The following CEP55 variants were observed in gnomAD, a reference collection of about 807,000 sequenced individuals.
CEP55 encodes centrosomal protein 55.
Under a neutral mutation model 63.2 loss-of-function variants are expected in CEP55, and 57 were observed. The ratio of observed to expected loss-of-function variants is 0.90; its 90% CI spans 0.73 to 1.13. The LOEUF (loss-of-function observed/expected upper bound fraction) is 1.13, where lower values mean the gene tolerates loss of function less well. Ranked by LOEUF, CEP55 falls within the 50% of genes most tolerant of loss-of-function variation. CEP55 has a pLI of 0.00. For synonymous variants in CEP55, 178 were observed against 191.6 expected (o/e 0.93, Z 0.59); for missense variants, 456 against 518.9 (o/e 0.88, Z 1.18).
At chr10:93,508,795 G>C (rs10882253) in intron 4 of CEP55, among the ~76,000 whole-genome samples, 34,172 of 152,008 alleles carry the variant, frequency 0.22, 4,309 homozygotes, top group East Asian at 0.57. Flanking sequence ...AATGGGGGCT[G>C]CCTGACCACT....
In CEP55 at chr10:93,528,192, C is replaced by T. The variant is rs1187854963; in HGVS notation, c.*39C>T. On this transcript the variant is annotated 3_prime_UTR_variant, in exon 9 of 9. Coordinates refer to ENST00000371485, the MANE Select transcript of CEP55 (RefSeq NM_018131.5). ...TGTTTTGATATTAAAAGATTCAATA[C>T]TGTATTTTCTGTTAGCTTGTGGGCA... is the stretch of plus-strand genomic sequence containing the variant. 6.6e-7 allele frequency: 1 copy of T among 1,524,708 alleles called. No individual in the cohort carries two copies. Among genetic ancestry groups the T allele is most frequent in the Admixed American group, 1.7e-5 (1 of 57,892 alleles). The allele number at this position is 1,524,708 out of a possible 1,614,324, so 94.4% of individuals were successfully genotyped here.
intron 8 of CEP55, among the ~76,000 whole-genome samples, chr10:93,521,824 C>G (rs933395325): frequency 5.9e-5 from 9 of 152,308 alleles, no homozygotes; most frequent in South Asian, 2.1e-4. Flanking sequence ...TGCTGATACC[C>G]AGGCAAACAG....
chr10:93,510,834 A>G (rs532914343), intron 4 of CEP55, among the ~76,000 whole-genome samples: 62 of 152,110 alleles, frequency 4.1e-4, no homozygotes, highest in Non-Finnish European at 7.6e-4. Flanking sequence ...TTCCTCCAGT[A>G]TAGGCTAACA....
chr10:93,522,972 C>T (rs1173122494), intron 8 of CEP55, among the ~76,000 whole-genome samples: 1 of 152,152 alleles, frequency 6.6e-6, no homozygotes, highest in Non-Finnish European at 1.5e-5. Flanking sequence ...CAGTACCAGC[C>T]ACTGCAAAAA....
rs146992036 is a variant in CEP55, at chr10:93,517,216, G to A, written c.961G>A (p.Glu321Lys). Residue 321 changes from glutamate to lysine, a missense_variant, in exon 6 of 9, where the codon GAG becomes AAG. Glu to Lys is a moderately conservative substitution (Grantham distance 56, BLOSUM62 1). Coordinates refer to ENST00000371485, the MANE Select transcript of CEP55 (RefSeq NM_018131.5). ...TATTGCTAGGGGAAAACTTGAAGAAGAGAAGAAGAGATCCGAAGAGCTCTT... is the reference window on the plus strand; with the variant it reads ...TATTGCTAGGGGAAAACTTGAAGAAAAGAAGAAGAGATCCGAAGAGCTCTT... ...NDIARGKLEE[E>K]KKRSEELLSQ... is the part of the protein sequence containing the mutation. The A allele has an allele frequency of 1.8e-3, 2,900 of 1,606,910 alleles. 4 individuals carry two copies. The highest frequency in any genetic ancestry group is 2.2e-3 in the Non-Finnish European group (2,597 of 1,176,776).
At chr10:93,516,194 AG>A (rs2057801720) in intron 5 of CEP55, among the ~76,000 whole-genome samples, 1 of 152,210 alleles carries the variant, frequency 6.6e-6, no homozygotes, top group Non-Finnish European at 1.5e-5. Flanking sequence ...TCTCCTTAAA[AG>A]ACTGACAGTT....
intron 4 of CEP55, among the ~76,000 whole-genome samples, chr10:93,507,367 C>T (rs1192187712): frequency 3.3e-5 from 5 of 151,688 alleles, no homozygotes; most frequent in Admixed American, 6.6e-5. Flanking sequence ...ATTACAGGCA[C>T]GAGCCACCAC....
intron 4 of CEP55, among the ~76,000 whole-genome samples, chr10:93,514,452 T>C (rs2057782327): frequency 6.6e-6 from 1 of 152,106 alleles, no homozygotes; most frequent in Non-Finnish European, 1.5e-5. Context: ...AAGAAGACAC[T>C]GAGATGATGT....
At chr10:93,524,947 A>G (rs1241416378) in intron 8 of CEP55, among the ~76,000 whole-genome samples, 18 of 152,052 alleles carry the variant, frequency 1.2e-4, no homozygotes, top group Admixed American at 1.2e-3. Context: ...TCTCAAAATA[A>G]TAAGAGCTAT....
At chr10:93,505,821 A>G (rs540378924) in intron 3 of CEP55, among the ~76,000 whole-genome samples, 86 of 151,502 alleles carry the variant, frequency 5.7e-4, no homozygotes, top group Middle Eastern at 3.4e-3. Context: ...CATATAATCT[A>G]TATGAACTAA....
chr10:93,525,361 T>C (rs907246084), intron 8 of CEP55, among the ~76,000 whole-genome samples: 1 of 152,162 alleles, frequency 6.6e-6, no homozygotes, highest in Non-Finnish European at 1.5e-5. Flanking sequence ...ATAAAATACC[T>C]AGAAATCCAA....
intron 4 of CEP55, among the ~76,000 whole-genome samples, chr10:93,508,936 A>G (rs1001307997): frequency 4.6e-4 from 70 of 152,242 alleles, no homozygotes; most frequent in African/African-American, 1.6e-3. Flanking sequence ...CCATCAGAAT[A>G]GAAGTCATAT....
chr10:93,502,630 A>G (rs546369147), intron 2 of CEP55, among the ~76,000 whole-genome samples: 1 of 152,342 alleles, frequency 6.6e-6, no homozygotes, highest in Non-Finnish European at 1.5e-5. Flanking sequence ...TGAATCATTT[A>G]TCGAAAGTAA....
At chr10:93,497,562 G>A (rs955656674) in intron 1 of CEP55, among the ~76,000 whole-genome samples, 11 of 152,122 alleles carry the variant, frequency 7.2e-5, no homozygotes, top group African/African-American at 2.6e-4. Flanking sequence ...CACCGCGCCC[G>A]GCCCCAATCA....
At chr10:93,527,406 T>C (rs2057935271) in intron 8 of CEP55, among the ~76,000 whole-genome samples, 1 of 152,202 alleles carries the variant, frequency 6.6e-6, no homozygotes, top group Non-Finnish European at 1.5e-5. Flanking sequence ...AACATATTCA[T>C]ATATACACCC....
chr10:93,524,852 CAATAGATGCAGA>C (rs1484136809), intron 8 of CEP55, among the ~76,000 whole-genome samples: 2 of 152,118 alleles, frequency 1.3e-5, no homozygotes, highest in African/African-American at 4.8e-5. Flanking sequence ...ATGATTATCT[CAATAGATGCAGA>C]AAAGGCCTTT....
Position 93,517,107 on chromosome 10 carries a change from T to C in CEP55, c.852T>C (p.Tyr284=). ...KEVHNLNQLL[Y]SQRRADVQHL... Reference sequence around the variant, plus strand: ...TTCACAATTTAAATCAGCTGTTGTATTCACAAAGAAGGGCAGATGTGCAAC... The same window carrying C: ...TTCACAATTTAAATCAGCTGTTGTACTCACAAAGAAGGGCAGATGTGCAAC... Residue 284 remains tyrosine (Y), a synonymous_variant, in exon 6 of 9, where the codon TAT becomes TAC. Transcript: ENST00000371485. 1 of 1,614,088 alleles carries C rather than the reference T, an allele frequency of 6.2e-7. No homozygotes were observed. Among genetic ancestry groups the C allele is most frequent in the Non-Finnish European group, 8.5e-7 (1 of 1,180,012 alleles).
intron 4 of CEP55, among the ~76,000 whole-genome samples, chr10:93,514,865 C>G (rs1234064071): frequency 6.6e-6 from 1 of 152,178 alleles, no homozygotes; most frequent in Non-Finnish European, 1.5e-5. Flanking sequence ...CTCCACCTCC[C>G]GGGTTCAAGT....
At chr10:93,516,810 T>C in intron 5 of CEP55, 125 bp from the exon 6 acceptor site, 2 of 666,694 alleles carry the variant, frequency 3.0e-6, no homozygotes, top group Admixed American at 3.2e-5. Context: ...ATAGTCCCTA[T>C]CTCTTGACTT....
Sources: allele counts gnomAD v4.1 joint callset (sites outside exome capture counted in the v4.1 genomes callset), GRCh38; gene constraint gnomAD v4.1.1; transcripts MANE v1.5; gene names NCBI Gene and HGNC (gene_info 2026-07-23, HGNC 2026-07-21).